TIPIN: variants seen among roughly 807,000 people sequenced by gnomAD.
TIPIN encodes the protein TIMELESS interacting protein.
TIPIN carries 29 observed loss-of-function variants against 35.6 expected under a neutral mutation model. The observed-to-expected ratio is 0.82, with a 90% confidence interval of 0.61 to 1.11. The LOEUF (loss-of-function observed/expected upper bound fraction) is 1.11, where lower values mean the gene tolerates loss of function less well. Among genes scored for constraint, TIPIN ranks in the 50% most tolerant of loss-of-function variants. The pLI, the probability that TIPIN is intolerant of heterozygous loss-of-function variation, is 0.00. For synonymous variants in TIPIN, 102 were observed against 121.5 expected (o/e 0.84, Z 1.06); for missense variants, 296 against 345.4 (o/e 0.86, Z 1.13).
chr15:66,377,072 C>T lies in TIPIN; in HGVS notation c.-9+9535G>A, dbSNP rs1255436853. Among the ~76,000 whole-genome samples, 3 of 137,912 alleles carry T rather than the reference C, an allele frequency of 2.2e-5. No homozygotes were observed. The Admixed American group carries it at 2.4e-4, about 11-fold the overall frequency. 90.5% of individuals were successfully genotyped at this position (137,912 alleles called of 152,430 possible). Reference sequence around the variant, plus strand: ...GCAGTGAGCCGAGACCAGGCTACTGCACTCCAGCCTGGGCAACAGAGCAAG... The same window carrying T: ...GCAGTGAGCCGAGACCAGGCTACTGTACTCCAGCCTGGGCAACAGAGCAAG... On this transcript the variant is annotated intron_variant, in intron 1 of 7. Coordinates refer to the TIPIN transcript ENST00000562124.
At chr15:66,346,371 G>T (rs762152967) in intron 6 of TIPIN, among the ~76,000 whole-genome samples, 1 of 148,802 alleles carries the variant, frequency 6.7e-6, no homozygotes, top group African/African-American at 2.5e-5. Flanking sequence ...GACCTCTACT[G>T]TTCATTCAAA....
chr15:66,369,639 C>T (rs1443589977), intron 1 of TIPIN, among the ~76,000 whole-genome samples: 1 of 152,100 alleles, frequency 6.6e-6, no homozygotes, highest in South Asian at 2.1e-4. Flanking sequence ...TGAGCCACCA[C>T]GCCCGGCCTT....
At chr15:66,352,076 C>A in intron 3 of TIPIN, 53 bp downstream of exon 3, 2 of 1,397,756 alleles carry the variant, frequency 1.4e-6, no homozygotes, top group East Asian at 2.6e-5. Context: ...AGAAGAAAAA[C>A]AATGGATATT....
chr15:66,346,516 G>A (rs928579848), intron 6 of TIPIN, among the ~76,000 whole-genome samples: 9 of 151,680 alleles, frequency 5.9e-5, no homozygotes, highest in African/African-American at 2.2e-4. Flanking sequence ...CCCACCCTGC[G>A]ACCTACTCAT....
chr15:66,382,924 A>C, intron 1 of TIPIN: 2 of 985,324 alleles, frequency 2.0e-6, no homozygotes, highest in Non-Finnish European at 2.4e-6. Context: ...AGTTGACAGA[A>C]CCGATGGATC....
chr15:66,375,716 C>T (rs1338103352), intron 1 of TIPIN, among the ~76,000 whole-genome samples: 1 of 150,358 alleles, frequency 6.7e-6, no homozygotes, highest in Non-Finnish European at 1.5e-5. Flanking sequence ...ACTTAATCTG[C>T]CTCCAGGCTT....
chr15:66,353,319 TA>T (rs201875437), intron 1 of TIPIN, among the ~76,000 whole-genome samples: 82 of 145,816 alleles, frequency 5.6e-4, no homozygotes, highest in Middle Eastern at 3.5e-3. Context: ...TAGAGCTGCT[TA>T]AAAAAAAAAA....
upstream of TIPIN, among the ~76,000 whole-genome samples, chr15:66,361,510 C>A (rs1307377445): frequency 1.3e-5 from 2 of 150,256 alleles, no homozygotes; most frequent in Non-Finnish European, 3.0e-5. Context: ...CCACCTGGGC[C>A]TCCCAAAGTG....
intron 1 of TIPIN, among the ~76,000 whole-genome samples, chr15:66,368,674 A>T (rs577676298): frequency 6.6e-6 from 1 of 152,298 alleles, no homozygotes; most frequent in Admixed American, 6.5e-5. Flanking sequence ...ATTTATGCAA[A>T]ATATGGCTTG....
intron 7 of TIPIN, 147 bp from the exon 8 acceptor site, chr15:66,337,328 CTTT>C (rs375392324): frequency 1.0e-3 from 415 of 403,470 alleles, no homozygotes; most frequent in South Asian, 2.6e-3. Flanking sequence ...CTAAATATAT[CTTT>C]TTTTTTTTTT....
At chr15:66,385,529 G>A (rs941013175) in intron 1 of TIPIN, among the ~76,000 whole-genome samples, 4 of 151,114 alleles carry the variant, frequency 2.6e-5, no homozygotes, top group South Asian at 2.1e-4. Context: ...TCACTCTGTC[G>A]CCCAGGCTGG....
chr15:66,362,734 TAAATAA>T (rs1052074741), intron 1 of TIPIN, among the ~76,000 whole-genome samples: 6 of 151,790 alleles, frequency 4.0e-5, no homozygotes, highest in African/African-American at 1.5e-4. Flanking sequence ...AATAAATAAG[TAAATAA>T]AAATAAAAAG....
intron 1 of TIPIN, 147 bp downstream of exon 1, chr15:66,356,492 G>A: frequency 1.6e-6 from 1 of 607,978 alleles, no homozygotes; most frequent in East Asian, 1.4e-4. Context: ...GGGTCAGGTC[G>A]ACCCCCCAAC....
chr15:66,375,692 A>C (rs1343487370), intron 1 of TIPIN, among the ~76,000 whole-genome samples: 1 of 150,562 alleles, frequency 6.6e-6, no homozygotes, highest in Non-Finnish European at 1.5e-5. Flanking sequence ...CAAAGGCTGC[A>C]AAATGAAAAG....
At chr15:66,371,183 G>A (rs552115235) in intron 1 of TIPIN, 1 of 959,122 alleles carries the variant, frequency 1.0e-6, no homozygotes, top group African/African-American at 1.8e-5. Flanking sequence ...TGCACTGCAG[G>A]CTGGGCAACA....
rs62625672 is a variant in TIPIN, at chr15:66,337,269, A to G, written c.683-88T>C. 1.8e-5 allele frequency: 17 copies of G among 919,468 alleles called. No homozygotes were observed. The African/African-American group carries it at 2.8e-4, about 15-fold the overall frequency. 57.0% of individuals were successfully genotyped at this position (919,468 alleles called of 1,614,324 possible). ...ACAAACCTCTTCAAAAGCTCAGTTT[A>G]GTAAAATGAAGTCTAAGATCACTTA... On this transcript the variant is annotated intron_variant, in intron 7 of 7. Coordinates refer to ENST00000261881, the MANE Select transcript of TIPIN (RefSeq NM_017858.3).
chr15:66,365,656 C>T (rs571994126), intron 1 of TIPIN, among the ~76,000 whole-genome samples: 2 of 152,176 alleles, frequency 1.3e-5, no homozygotes, highest in South Asian at 4.1e-4. Context: ...AAGCAATTCT[C>T]TTGCCTCAGC....
intron 1 of TIPIN, among the ~76,000 whole-genome samples, chr15:66,366,322 C>T (rs1006675183): frequency 5.3e-5 from 8 of 151,676 alleles, no homozygotes; most frequent in African/African-American, 9.7e-5. Context: ...GGCATGGTGG[C>T]GGGCGCCTGT....
chr15:66,349,441 C>T lies in TIPIN; in HGVS notation c.289-4G>A, dbSNP rs779834616. ...TTAGCATCTTCAAGTCTTCAGCCTGCCACATAAAAATAAAAATGCTAAACA... is the reference window on the plus strand; with the variant it reads ...TTAGCATCTTCAAGTCTTCAGCCTGTCACATAAAAATAAAAATGCTAAACA... On this transcript the variant is annotated splice_polypyrimidine_tract_variant and splice_region_variant and intron_variant, in intron 4 of 7. Transcript: ENST00000261881. 6.2e-7 allele frequency: 1 copy of T among 1,607,588 alleles called. No homozygotes were observed. Among genetic ancestry groups the T allele is most frequent in the South Asian group, 1.1e-5 (1 of 89,292 alleles).
Sources: allele counts gnomAD v4.1 joint callset (sites outside exome capture counted in the v4.1 genomes callset), GRCh38; gene constraint gnomAD v4.1.1; transcripts MANE v1.5; gene names NCBI Gene and HGNC (gene_info 2026-07-23, HGNC 2026-07-21).